Variants in PTAR1 observed in about 807,000 individuals in gnomAD.
PTAR1 encodes protein prenyltransferase alpha subunit repeat containing 1.
Under a neutral mutation model 45.5 loss-of-function variants are expected in PTAR1, and 17 were observed. The observed-to-expected ratio is 0.37, with a 90% confidence interval of 0.26 to 0.56. The LOEUF (loss-of-function observed/expected upper bound fraction) is 0.56, where lower values mean the gene tolerates loss of function less well. Ranked by LOEUF, PTAR1 falls within the 20% of genes least tolerant of loss-of-function variation. PTAR1 has a pLI of 0.77. For synonymous variants in PTAR1, 169 were observed against 171.3 expected (o/e 0.99, Z 0.11); for missense variants, 391 against 476.3 (o/e 0.82, Z 1.67).
intron 5 of PTAR1, among the ~76,000 whole-genome samples, chr9:69,729,639 T>C (rs1324274100): frequency 1.3e-5 from 2 of 152,178 alleles, no homozygotes; most frequent in Non-Finnish European, 2.9e-5. Context: ...TGGGAATTAT[T>C]GTCACCCTCC....
rs1824597324 is a variant in PTAR1, at chr9:69,713,303, C to T, written c.*5039G>A. The T allele has an allele frequency of 6.6e-6, 1 of 152,120 alleles. No individual in the cohort carries two copies. Among genetic ancestry groups the T allele is most frequent in the Non-Finnish European group, 1.5e-5 (1 of 68,024 alleles). The allele number at this position is 152,120 out of a possible 1,614,324, so 9.4% of individuals were successfully genotyped here. A position where few individuals can be genotyped will look rare whatever the true frequency, so the allele number is the denominator to read the frequency against. ...TTCCTCTCCCACCTGAGATCCACAACTGATTCATTGGTTTTCTGTCTTCAC... is the reference window on the plus strand; with the variant it reads ...TTCCTCTCCCACCTGAGATCCACAATTGATTCATTGGTTTTCTGTCTTCAC... On this transcript the variant is annotated 3_prime_UTR_variant, in exon 8 of 8. Coordinates refer to ENST00000340434, the MANE Select transcript of PTAR1 (RefSeq NM_001099666.2).
In PTAR1 at chr9:69,731,964, T is replaced by C. The variant is rs1588458188; in HGVS notation, c.642+175A>G. On this transcript the variant is annotated intron_variant, in intron 5 of 7. Transcript: ENST00000340434. Reference sequence around the variant, plus strand: ...TGCCAAAAACAGCACTAGTGGGGAATGCAAGCTTTTTATTTAATTACAGGG... The same window carrying C: ...TGCCAAAAACAGCACTAGTGGGGAACGCAAGCTTTTTATTTAATTACAGGG... 6.3e-5 allele frequency: 38 copies of C among 602,322 alleles called. No homozygotes were observed. In the East Asian group the frequency reaches 1.1e-3, roughly 17 times the overall value. The allele number at this position is 602,322 out of a possible 1,614,324, so 37.3% of individuals were successfully genotyped here. A position where few individuals can be genotyped will look rare whatever the true frequency, so the allele number is the denominator to read the frequency against.
intron 1 of PTAR1, among the ~76,000 whole-genome samples, chr9:69,753,798 T>C (rs899406395): frequency 6.6e-6 from 1 of 152,176 alleles, no homozygotes; most frequent in African/African-American, 2.4e-5. Context: ...TTCTAGTTAG[T>C]TTCCATTCTA....
intron 5 of PTAR1, among the ~76,000 whole-genome samples, chr9:69,728,377 T>C (rs376879261): frequency 6.6e-6 from 1 of 152,200 alleles, no homozygotes; most frequent in Non-Finnish European, 1.5e-5. Context: ...TTTATTAATA[T>C]ATAGTGATTC....
chr9:69,746,991 C>T (rs905153252), intron 2 of PTAR1, among the ~76,000 whole-genome samples: 5 of 152,158 alleles, frequency 3.3e-5, no homozygotes, highest in Non-Finnish European at 5.9e-5. Context: ...AGAAGTGAAG[C>T]TTGAGTTAAA....
chr9:69,719,133 G>T (rs903868513), intron 6 of PTAR1, among the ~76,000 whole-genome samples: 1 of 152,120 alleles, frequency 6.6e-6, no homozygotes, highest in Non-Finnish European at 1.5e-5. Flanking sequence ...TTAATCTGTG[G>T]CCTCTATCAA....
rs986142426 is a variant in PTAR1 at position 69,714,624 on chromosome 9, A to G, written c.*3718T>C. Reference sequence around the variant, plus strand: ...TTTGCTTTCCTGCAAACTACTGCATAAAAATCCAAAAACTTTTGTTTCCGT... The same window carrying G: ...TTTGCTTTCCTGCAAACTACTGCATGAAAATCCAAAAACTTTTGTTTCCGT... On this transcript the variant is annotated 3_prime_UTR_variant, in exon 8 of 8. Transcript: ENST00000340434. 1.3e-5 allele frequency: 2 copies of G among 152,118 alleles called. No homozygotes were observed. Among genetic ancestry groups the G allele is most frequent in the African/African-American group, 4.8e-5 (2 of 41,432 alleles). 9.4% of individuals were successfully genotyped at this position (152,118 alleles called of 1,614,324 possible).
rs141973923 is a variant in PTAR1 at position 69,743,062 on chromosome 9, T to C, written c.257-1204A>G. 5.6e-3 allele frequency among the ~76,000 whole-genome samples: 859 copies of C among 152,302 alleles called. 6 individuals are homozygous for C. The highest frequency in any genetic ancestry group is 0.012 in the Admixed American group (184 of 15,292). On this transcript the variant is annotated intron_variant, in intron 2 of 7. Transcript: ENST00000340434. ...CCTACCAAGCTCTTATTAAATGTCA[T>C]GTAATAAAACAATACAAATAATTAT...
At chr9:69,720,887 T>C (rs1433282712) in intron 6 of PTAR1, among the ~76,000 whole-genome samples, 1 of 152,108 alleles carries the variant, frequency 6.6e-6, no homozygotes, top group Admixed American at 6.6e-5. Context: ...AAGGATTCCT[T>C]CCAAAATATT....
chr9:69,748,718 T>G (rs1826387151), intron 2 of PTAR1, among the ~76,000 whole-genome samples: 1 of 152,160 alleles, frequency 6.6e-6, no homozygotes, highest in Non-Finnish European at 1.5e-5. Context: ...ATGAAATAAC[T>G]GCTTTTTCCT....
chr9:69,726,004 A>AT (rs1405077183), intron 5 of PTAR1, among the ~76,000 whole-genome samples: 1 of 152,160 alleles, frequency 6.6e-6, no homozygotes, highest in Non-Finnish European at 1.5e-5. Context: ...AAAAAGAGGG[A>AT]TAACGTGCTA....
Position 69,716,849 on chromosome 9 carries a change from T to A in PTAR1, c.*1493A>T, listed in dbSNP as rs1030406228. 2 of 151,832 alleles carry A rather than the reference T, an allele frequency of 1.3e-5. No individual in the cohort carries two copies. The highest frequency in any genetic ancestry group is 4.8e-5 in the African/African-American group (2 of 41,302). 9.4% of individuals were successfully genotyped at this position (151,832 alleles called of 1,614,324 possible). A position where few individuals can be genotyped will look rare whatever the true frequency, so the allele number is the denominator to read the frequency against. On this transcript the variant is annotated 3_prime_UTR_variant, in exon 8 of 8. Transcript: ENST00000340434. ...TATGAAATTCATTGCAAATAGGGGGTAGAAATCTTGAAGACACACCCCTGA... is the reference window on the plus strand; with the variant it reads ...TATGAAATTCATTGCAAATAGGGGGAAGAAATCTTGAAGACACACCCCTGA...
intron 2 of PTAR1, among the ~76,000 whole-genome samples, chr9:69,747,479 C>A (rs970583895): frequency 2.0e-5 from 3 of 152,160 alleles, no homozygotes; most frequent in Non-Finnish European, 4.4e-5. Flanking sequence ...CTGCTTGTGG[C>A]TGTAATGAAC....
intron 1 of PTAR1, among the ~76,000 whole-genome samples, chr9:69,756,116 C>T (rs1826763682): frequency 6.6e-6 from 1 of 152,090 alleles, no homozygotes; most frequent in African/African-American, 2.4e-5. Context: ...ATAAGAAGCC[C>T]AGTAGACTCT....
chr9:69,741,434 A>G (rs185722797), intron 3 of PTAR1: 6 of 181,666 alleles, frequency 3.3e-5, no homozygotes, highest in Admixed American at 1.7e-4. Flanking sequence ...ACTTTCCACT[A>G]CACTGCAGTG....
intron 3 of PTAR1, chr9:69,741,504 T>G: frequency 3.0e-6 from 1 of 338,628 alleles, no homozygotes; most frequent in South Asian, 4.0e-5. Context: ...TTATGCCCAT[T>G]GCCCATTAGT....
Position 69,718,411 on chromosome 9 carries a change from G to A in PTAR1, c.1140C>T (p.Thr380=). The A allele has an allele frequency of 6.2e-7, 1 of 1,613,564 alleles. No homozygotes were observed. Among genetic ancestry groups the A allele is most frequent in the Non-Finnish European group, 8.5e-7 (1 of 1,179,634 alleles). ...EHRFIDQVLS[T]CRNVEQARFA... is the part of the protein sequence containing the mutation. ...ACCTGGCTTGCTCCACGTTCCGACA[G>A]GTGGACAATACTTGATCAATGAACC... Residue 380 remains threonine, a synonymous_variant, in exon 8 of 8, where the codon ACC becomes ACT. Transcript: ENST00000340434.
intron 3 of PTAR1, among the ~76,000 whole-genome samples, chr9:69,734,768 T>C (rs1825707530): frequency 6.6e-6 from 1 of 152,148 alleles, no homozygotes; most frequent in Admixed American, 6.5e-5. Flanking sequence ...CTAACCAAAT[T>C]ACTATTTTTT....
Position 69,715,898 on chromosome 9 carries a change from CTACTT to C in PTAR1, c.*2439_*2443del, listed in dbSNP as rs1169176164. 2.0e-5 allele frequency: 3 copies of C among 152,086 alleles called. No homozygotes were observed. The highest frequency in any genetic ancestry group is 3.9e-4 in the East Asian group (2 of 5,192). 9.4% of individuals were successfully genotyped at this position (152,086 alleles called of 1,614,324 possible). A position where few individuals can be genotyped will look rare whatever the true frequency, so the allele number is the denominator to read the frequency against. On this transcript the variant is annotated 3_prime_UTR_variant, in exon 8 of 8. Coordinates refer to ENST00000340434, the MANE Select transcript of PTAR1 (RefSeq NM_001099666.2). ...CTTTGGGTATTTGCATTTTTGCTCT[CTACTT>C]TAAACTTTTAGGAAGGAAACAAGAC...
Sources: allele counts gnomAD v4.1 joint callset (sites outside exome capture counted in the v4.1 genomes callset), GRCh38; gene constraint gnomAD v4.1.1; transcripts MANE v1.5; gene names NCBI Gene and HGNC (gene_info 2026-07-23, HGNC 2026-07-21).